Variants in NOS1AP observed in about 807,000 individuals in gnomAD.
NOS1AP encodes carboxyl-terminal PDZ ligand of neuronal nitric oxide synthase protein.
NOS1AP carries 21 observed loss-of-function variants against 56.2 expected under a neutral mutation model. The ratio of observed to expected loss-of-function variants is 0.37; its 90% confidence interval spans 0.26 to 0.54. The LOEUF (loss-of-function observed/expected upper bound fraction) is 0.54, where lower values mean the gene tolerates loss of function less well. Among genes scored for constraint, NOS1AP ranks in the 20% least tolerant of loss-of-function variants. The pLI is 0.84. For missense variants in NOS1AP, 522 were observed against 657.8 expected, an observed-to-expected ratio of 0.79 and a Z score of 2.26; for synonymous variants, 270 against 274.6, an observed-to-expected ratio of 0.98 and a Z score of 0.17.
At chr1:162,254,214 A>AT (rs1474865977) in intron 2 of NOS1AP, among the ~76,000 whole-genome samples, 1 of 152,142 alleles carries the variant, frequency 6.6e-6, no homozygotes, top group Non-Finnish European at 1.5e-5. Context: ...ATGCCTATAG[A>AT]TTGTTTAAGT....
At chr1:162,262,815 AG>A (rs1263293664) in intron 2 of NOS1AP, among the ~76,000 whole-genome samples, 2 of 152,220 alleles carry the variant, frequency 1.3e-5, no homozygotes, top group African/African-American at 4.8e-5. Context: ...ACATTTAACC[AG>A]ACTCATTTAT....
intron 4 of NOS1AP, among the ~76,000 whole-genome samples, chr1:162,321,173 T>A (rs1571216977): frequency 6.6e-6 from 1 of 152,328 alleles, no homozygotes; most frequent in South Asian, 2.1e-4. Context: ...CCCAGCACCA[T>A]TTGTTGAGTA....
At chr1:162,205,647 T>C (rs572479234) in intron 2 of NOS1AP, among the ~76,000 whole-genome samples, 2 of 152,336 alleles carry the variant, frequency 1.3e-5, no homozygotes, top group South Asian at 4.1e-4. Flanking sequence ...GTCATCACTA[T>C]TGGATCTTTT....
intron 2 of NOS1AP, among the ~76,000 whole-genome samples, chr1:162,238,601 A>T (rs1653381557): frequency 6.6e-6 from 1 of 152,230 alleles, no homozygotes; most frequent in African/African-American, 2.4e-5. Flanking sequence ...TTGTTGTTGT[A>T]ATTGAATAAT....
intron 1 of NOS1AP, among the ~76,000 whole-genome samples, chr1:162,133,711 T>C (rs752286015): frequency 3.3e-5 from 5 of 152,262 alleles, no homozygotes; most frequent in Non-Finnish European, 7.3e-5. Flanking sequence ...CAAAGAAATA[T>C]GTTGGAACTG....
intron 2 of NOS1AP, among the ~76,000 whole-genome samples, chr1:162,196,198 G>A (rs1172055970): frequency 6.6e-6 from 1 of 152,040 alleles, no homozygotes; most frequent in Admixed American, 6.5e-5. Flanking sequence ...AGGAAAATGT[G>A]GTAAAATGGA....
chr1:162,181,866 G>C (rs1276727637), intron 2 of NOS1AP, among the ~76,000 whole-genome samples: 1 of 152,236 alleles, frequency 6.6e-6, no homozygotes, highest in Admixed American at 6.5e-5. Context: ...AGTATGGTCT[G>C]AGTTGATTTC....
At chr1:162,144,373 C>T (rs1649361741) in intron 1 of NOS1AP, among the ~76,000 whole-genome samples, 1 of 152,164 alleles carries the variant, frequency 6.6e-6, no homozygotes, top group Non-Finnish European at 1.5e-5. Context: ...CTTGATTTTC[C>T]CTTCTATAAA....
At chr1:162,268,331 G>A (rs1654489092) in intron 2 of NOS1AP, among the ~76,000 whole-genome samples, 1 of 149,594 alleles carries the variant, frequency 6.7e-6, no homozygotes, top group South Asian at 2.1e-4. Flanking sequence ...CCTATTTCTA[G>A]AATATTTATT....
chr1:162,154,660 T>G (rs925514002), intron 2 of NOS1AP, among the ~76,000 whole-genome samples, 184 bp downstream of exon 2: 2 of 152,178 alleles, frequency 1.3e-5, no homozygotes, highest in Admixed American at 6.5e-5. Flanking sequence ...AAGGCCAATG[T>G]TAAAATGGAT....
At chr1:162,305,218 C>T (rs966259285) in intron 4 of NOS1AP, among the ~76,000 whole-genome samples, 4 of 152,030 alleles carry the variant, frequency 2.6e-5, no homozygotes, top group African/African-American at 9.7e-5. Context: ...TAGTCCTGTG[C>T]ACCCATCACC....
At chr1:162,230,168 G>A (rs1653078335) in intron 2 of NOS1AP, among the ~76,000 whole-genome samples, 1 of 152,152 alleles carries the variant, frequency 6.6e-6, no homozygotes, top group Non-Finnish European at 1.5e-5. Context: ...TGGTAGAGAA[G>A]TCACTGGAGC....
intron 2 of NOS1AP, among the ~76,000 whole-genome samples, chr1:162,203,405 T>C (rs2102169114): frequency 6.6e-6 from 1 of 152,260 alleles, no homozygotes; most frequent in South Asian, 2.1e-4. Context: ...GAGCTGGGAT[T>C]AGGAAGCAGG....
chr1:162,211,061 G>C (rs10918883), intron 2 of NOS1AP, among the ~76,000 whole-genome samples: 3 of 152,098 alleles, frequency 2.0e-5, no homozygotes, highest in Non-Finnish European at 4.4e-5. Flanking sequence ...TTCTACCCAG[G>C]CAGATCTTCA....
chr1:162,072,096 A>AGATG (rs980996261), intron 1 of NOS1AP, among the ~76,000 whole-genome samples: 1 of 152,024 alleles, frequency 6.6e-6, no homozygotes, highest in African/African-American at 2.4e-5. Context: ...ATAGATAGAT[A>AGATG]GATAGATAGA....
chr1:162,329,361 A>AAGAG (rs112676244), intron 4 of NOS1AP, among the ~76,000 whole-genome samples: 13,542 of 148,684 alleles, frequency 0.091, 780 homozygotes, highest in South Asian at 0.17. Flanking sequence ...CCAAGAAAAA[A>AAGAG]AGAGAGAGAG....
Position 162,369,768 on chromosome 1 carries a change from G to A in NOS1AP, c.*2301G>A, listed in dbSNP as rs1312461250. ...CTTTCCCCAGTTCAGGCCCTCCCTGGAGGACTAGTTTGTGTATTGGTATCC... is the reference window on the plus strand; with the variant it reads ...CTTTCCCCAGTTCAGGCCCTCCCTGAAGGACTAGTTTGTGTATTGGTATCC... On this transcript the variant is annotated 3_prime_UTR_variant, in exon 10 of 10. Coordinates refer to ENST00000361897, the MANE Select transcript of NOS1AP (RefSeq NM_014697.3). 6.6e-6 allele frequency: 1 copy of A among 152,250 alleles called. No homozygotes were observed. The highest frequency in any genetic ancestry group is 1.5e-5 in the Non-Finnish European group (1 of 68,150). 9.4% of individuals were successfully genotyped at this position (152,250 alleles called of 1,614,324 possible).
chr1:162,241,780 A>C (rs895689342), intron 2 of NOS1AP, among the ~76,000 whole-genome samples: 3 of 152,192 alleles, frequency 2.0e-5, no homozygotes, highest in African/African-American at 7.2e-5. Flanking sequence ...GGCATTCCAG[A>C]TGAGGTGACA....
chr1:162,314,147 T>C (rs2101770643), intron 4 of NOS1AP, among the ~76,000 whole-genome samples: 1 of 152,340 alleles, frequency 6.6e-6, no homozygotes, highest in South Asian at 2.1e-4. Context: ...CTTCTACCCT[T>C]GCATAACCCT....
Sources: gnomAD v4.1 joint callset for allele counts (sites outside exome capture counted in the v4.1 genomes callset) on GRCh38, gnomAD v4.1.1 for gene constraint, MANE v1.5 for transcripts, NCBI Gene and HGNC (gene_info 2026-07-23, HGNC 2026-07-21) for gene names.